DLG3: variants seen among roughly 807,000 people sequenced by gnomAD.
DLG3 encodes the protein disks large homolog 3.
A neutral mutation model predicts 64.1 loss-of-function variants in DLG3; 1 was observed. The ratio of observed to expected loss-of-function variants is 0.02; its 90% CI spans 0.01 to 0.07. The LOEUF is 0.07. DLG3 is among the 10% of genes least tolerant of loss of function. DLG3 has a pLI of 1.00. For synonymous variants in DLG3, 245 were observed against 259.8 expected (o/e 0.94, Z 0.55); for missense variants, 429 against 669.5 (o/e 0.64, Z 3.96).
chrX:70,456,526 G>A (rs998498609), intron 9 of DLG3, among the ~76,000 whole-genome samples: 12 of 111,920 alleles, frequency 1.1e-4, no homozygotes, highest in African/African-American at 3.9e-4. Context: ...GGTTGTCCAG[G>A]GTAAGGGGAT....
intron 6 of DLG3, 148 bp from the exon 7 acceptor site, chrX:70,451,719 T>G (rs1388207006): frequency 3.1e-6 from 2 of 643,552 alleles, no homozygotes; most frequent in Admixed American, 5.4e-5. Flanking sequence ...GGGTGGCGGG[T>G]GGATGGAGTG....
At chrX:70,462,234 T>C (rs746357760) in intron 9 of DLG3, among the ~76,000 whole-genome samples, 1 of 92,888 alleles carries the variant, frequency 1.1e-5, no homozygotes, top group African/African-American at 3.9e-5. Flanking sequence ...AATTCCTTTT[T>C]CTTTCTTTCT....
At chrX:70,483,563 T>A (rs2087204062) in intron 10 of DLG3, among the ~76,000 whole-genome samples, 2 of 112,392 alleles carry the variant, frequency 1.8e-5, no homozygotes, top group African/African-American at 3.2e-5. Flanking sequence ...TCCCCTCCCC[T>A]GAGTATCTAT....
At chrX:70,475,913 C>T (rs189124618) in intron 9 of DLG3, among the ~76,000 whole-genome samples, 32 of 112,196 alleles carry the variant, frequency 2.9e-4, no homozygotes, top group African/African-American at 9.7e-4. Flanking sequence ...CTGGCCCCAC[C>T]TTTCTTTTCA....
chrX:70,493,768 C>G (rs1300580100), intron 12 of DLG3, among the ~76,000 whole-genome samples: 1 of 112,978 alleles, frequency 8.9e-6, no homozygotes, highest in African/African-American at 3.2e-5. Context: ...AAGTGCCAGA[C>G]AGAGCTCTGC....
intron 1 of DLG3, among the ~76,000 whole-genome samples, chrX:70,447,429 C>A (rs915307848): frequency 8.9e-6 from 1 of 112,327 alleles, no homozygotes. Context: ...GGTCACAGAC[C>A]AGGGTAAGGC....
chrX:70,489,206 TAAC>T (rs2087311432), intron 10 of DLG3, among the ~76,000 whole-genome samples: 1 of 112,784 alleles, frequency 8.9e-6, no homozygotes, highest in Non-Finnish European at 1.9e-5. Context: ...TGTGCAGAGT[TAAC>T]TACTGGCAAA....
chrX:70,486,886 A>G (rs1465180985), intron 10 of DLG3, among the ~76,000 whole-genome samples: 4 of 111,001 alleles, frequency 3.6e-5, no homozygotes, highest in East Asian at 2.8e-4. Flanking sequence ...CCTCTCATCA[A>G]ACCTACCATG....
rs745342476 is a variant in DLG3, at chrX:70,446,747, G to T, written c.357+1189G>T. Among the ~76,000 whole-genome samples, 308 of 112,961 alleles carry T rather than the reference G, an allele frequency of 2.7e-3. 1 individual carries two copies. Among genetic ancestry groups the T allele is most frequent in the African/African-American group, 9.0e-3 (282 of 31,163 alleles). On this transcript the variant is annotated intron_variant, in intron 1 of 18. Transcript: ENST00000374360. ...GCTGGCAGAGCCAGGTCCCTGGCACGCAAGGCGGAGGGCCTGTCTGGTTAT... is the reference window on the plus strand; with the variant it reads ...GCTGGCAGAGCCAGGTCCCTGGCACTCAAGGCGGAGGGCCTGTCTGGTTAT...
chrX:70,488,562 T>A (rs1317431165), intron 10 of DLG3, among the ~76,000 whole-genome samples: 1 of 111,821 alleles, frequency 8.9e-6, no homozygotes, highest in Non-Finnish European at 1.9e-5. Context: ...AAATAAAAGT[T>A]ATGACAAAGG....
At chrX:70,464,816 C>T (rs529891031) in intron 9 of DLG3, among the ~76,000 whole-genome samples, 2 of 110,865 alleles carry the variant, frequency 1.8e-5, no homozygotes, top group Middle Eastern at 4.7e-3. Flanking sequence ...ATTAGCCAGG[C>T]GTGGTGGTAC....
chrX:70,482,870 T>C (rs2087189264), intron 10 of DLG3, among the ~76,000 whole-genome samples: 1 of 108,566 alleles, frequency 9.2e-6, no homozygotes, highest in South Asian at 4.1e-4. Context: ...GGTTTCATCG[T>C]GTTAGCCAGG....
intron 10 of DLG3, among the ~76,000 whole-genome samples, chrX:70,490,865 C>G (rs1458065667): frequency 9.0e-6 from 1 of 111,469 alleles, no homozygotes; most frequent in East Asian, 2.8e-4. Context: ...TTTGTGGTGA[C>G]TCCATATGAA....
At chrX:70,493,326 G>GTTTTTTTTTTTTTT in intron 12 of DLG3, 2 of 901,617 alleles carry the variant, frequency 2.2e-6, no homozygotes, top group Non-Finnish European at 3.0e-6. Context: ...CCATTGTTCT[G>GTTTTTTTTTTTTTT]TTTTTTTTTT....
chrX:70,453,645 G>A lies in DLG3; in HGVS notation c.1154G>A (p.Arg385His), dbSNP rs1400341652. The A allele has an allele frequency of 2.5e-6, 3 of 1,209,251 alleles. No homozygotes were observed. The highest frequency in any genetic ancestry group is 3.4e-6 in the Non-Finnish European group (3 of 894,262). Residue 385 changes from arginine to histidine, a missense_variant, in exon 8 of 19, where the codon CGC becomes CAC. Arg to His is a conservative substitution (Grantham distance 29). Coordinates refer to ENST00000374360, the MANE Select transcript of DLG3 (RefSeq NM_021120.4). Reference protein sequence around the residue: ...LAEEDFTREPRKIILHKGSTG... With the variant: ...LAEEDFTREPHKIILHKGSTG... ...CACTCCTTTCCCACCAGAGAGCCTC[G>A]CAAGATCATCCTGCACAAAGGCTCC...
Position 70,499,266 on chromosome X carries a change from C to T in DLG3, c.1961C>T (p.Ser654Phe). The T allele has an allele frequency of 8.3e-7, 1 of 1,203,141 alleles. No homozygotes were observed. The highest frequency in any genetic ancestry group is 1.1e-6 in the Non-Finnish European group (1 of 887,849). ...LISEFPHKFG[S>F]CVPHTTRPRR... ...TCCGAATTTCCACATAAATTTGGAT[C>T]CTGTGTGCCACGTAAGAGTCCAGGA... Residue 654 changes from serine (S) to phenylalanine (F), a missense_variant, in exon 15 of 19, where the codon TCC becomes TTC. Physicochemically the swap from Ser to Phe is radical, Grantham distance 155. Transcript: ENST00000374360.
intron 9 of DLG3, among the ~76,000 whole-genome samples, chrX:70,465,800 A>G (rs1337572439): frequency 1.8e-5 from 2 of 111,824 alleles, no homozygotes; most frequent in Admixed American, 1.9e-4. Context: ...ATCACCATAT[A>G]TTTTTTGAAA....
chrX:70,483,432 A>G (rs191992022), intron 10 of DLG3, among the ~76,000 whole-genome samples: 36 of 113,303 alleles, frequency 3.2e-4, no homozygotes, highest in African/African-American at 1.1e-3. Context: ...GCAGTTCGCC[A>G]TCTACCCAGA....
intron 13 of DLG3, among the ~76,000 whole-genome samples, chrX:70,496,404 C>T (rs1218477483): frequency 1.8e-5 from 2 of 112,368 alleles, no homozygotes; most frequent in African/African-American, 3.2e-5. Flanking sequence ...TCTTCATTCG[C>T]GTGTCATCTT....
Sources: allele counts gnomAD v4.1 joint callset (sites outside exome capture counted in the v4.1 genomes callset), GRCh38; gene constraint gnomAD v4.1.1; transcripts MANE v1.5; gene names NCBI Gene and HGNC (gene_info 2026-07-23, HGNC 2026-07-21).